C8orf34: variants seen among roughly 807,000 people sequenced by gnomAD.
C8orf34 encodes the protein chromosome 8 open reading frame 34, also known as uncharacterized protein C8orf34.
A neutral mutation model predicts 68.3 loss-of-function variants in C8orf34; 65 were observed. The ratio of observed to expected loss-of-function variants is 0.95; its 90% CI spans 0.78 to 1.17. The LOEUF (loss-of-function observed/expected upper bound fraction) is 1.17, where lower values mean the gene tolerates loss of function less well. Ranked by LOEUF, C8orf34 falls within the 50% of genes most tolerant of loss-of-function variation. The pLI, the probability that C8orf34 is intolerant of heterozygous loss-of-function variation, is 0.00. For synonymous variants in C8orf34, 244 were observed against 241.2 expected (o/e 1.01, Z -0.11); for missense variants, 664 against 655.4 (o/e 1.01, Z -0.14).
chr8:68,615,856 G>C (rs534460096), intron 7 of C8orf34, among the ~76,000 whole-genome samples: 1,720 of 151,758 alleles, frequency 0.011, 27 homozygotes, highest in African/African-American at 0.038. Flanking sequence ...AATAGTTTCA[G>C]AAGGAATGGT....
At chr8:68,756,734 G>A (rs1230149117) in intron 10 of C8orf34, among the ~76,000 whole-genome samples, 1 of 152,054 alleles carries the variant, frequency 6.6e-6, no homozygotes, top group African/African-American at 2.4e-5. Context: ...ACTGGTAAGG[G>A]AGTAAATCTG....
chr8:68,406,062 G>A (rs1435445643), intron 1 of C8orf34, among the ~76,000 whole-genome samples: 3 of 152,186 alleles, frequency 2.0e-5, no homozygotes, highest in African/African-American at 7.2e-5. Context: ...GGAGAGTTGA[G>A]TGTCAGGAGG....
intron 1 of C8orf34, among the ~76,000 whole-genome samples, chr8:68,419,858 T>G (rs1809870960): frequency 1.4e-5 from 2 of 143,464 alleles, no homozygotes; most frequent in Non-Finnish European, 1.5e-5. Context: ...GGGATGGCAT[T>G]GGGAGATATA....
At chr8:68,395,139 T>A (rs1414222389) in intron 1 of C8orf34, among the ~76,000 whole-genome samples, 2 of 152,020 alleles carry the variant, frequency 1.3e-5, no homozygotes, top group East Asian at 1.9e-4. Context: ...GTATTTTTTT[T>A]AAACAACTAT....
At position 68,533,120 on chromosome 8, in the gene C8orf34, A is replaced by C. The variant is rs767672971; in HGVS notation, c.1076A>C (p.Asp359Ala). 2 of 1,599,656 alleles carry C rather than the reference A, an allele frequency of 1.3e-6. No homozygotes were observed. Among genetic ancestry groups the C allele is most frequent in the Admixed American group, 1.8e-5 (1 of 56,932 alleles). The change falls in exon 7 of 14, where the codon GAT (aspartate) becomes GCT (alanine). Residue 359 changes from aspartate to alanine, a missense_variant. Physicochemically the swap from Asp to Ala is moderately radical, Grantham distance 126. Transcript: ENST00000518698. Reference sequence around the variant, plus strand: ...CCATCTGTAACAGAAGAAGATATTGATAATGAAGATGATGCAATGGAATTG... The same window carrying C: ...CCATCTGTAACAGAAGAAGATATTGCTAATGAAGATGATGCAATGGAATTG... ...PTPSVTEEDI[D>A]NEDDAMELLE...
intron 5 of C8orf34, among the ~76,000 whole-genome samples, chr8:68,492,182 T>C (rs571701638): frequency 6.6e-6 from 1 of 152,202 alleles, no homozygotes; most frequent in Non-Finnish European, 1.5e-5. Context: ...GACTCTCTAG[T>C]ATCTACCAAA....
intron 4 of C8orf34, among the ~76,000 whole-genome samples, chr8:68,482,344 A>G (rs1341366999): frequency 6.6e-6 from 1 of 152,216 alleles, no homozygotes. Context: ...AAACAAACTA[A>G]TACACCAGTT....
intron 3 of C8orf34, among the ~76,000 whole-genome samples, chr8:68,463,542 A>G (rs1005481426): frequency 1.3e-5 from 2 of 152,228 alleles, no homozygotes; most frequent in Non-Finnish European, 2.9e-5. Context: ...AAAATCCTCA[A>G]TAAAATACTG....
chr8:68,409,748 T>C (rs1386415205), intron 1 of C8orf34, among the ~76,000 whole-genome samples: 2 of 152,180 alleles, frequency 1.3e-5, no homozygotes, highest in Non-Finnish European at 2.9e-5. Flanking sequence ...CACTCGCCAC[T>C]CACTCACTGA....
intron 1 of C8orf34, among the ~76,000 whole-genome samples, chr8:68,433,310 C>G (rs1198959173): frequency 6.6e-6 from 1 of 152,108 alleles, no homozygotes; most frequent in Admixed American, 6.6e-5. Context: ...ATGCCATATG[C>G]TATTAATATT....
intron 7 of C8orf34, among the ~76,000 whole-genome samples, chr8:68,540,238 T>C (rs1335955041): frequency 1.3e-5 from 2 of 151,594 alleles, no homozygotes; most frequent in Admixed American, 6.6e-5. Flanking sequence ...CTAGTGATTT[T>C]ATTTTACTTT....
At chr8:68,696,545 G>T (rs1056450967) in intron 8 of C8orf34, among the ~76,000 whole-genome samples, 3 of 151,600 alleles carry the variant, frequency 2.0e-5, no homozygotes, top group African/African-American at 7.3e-5. Context: ...TGATTCAGAA[G>T]AGATACAAAA....
Position 68,468,815 on chromosome 8 carries a change from C to T in C8orf34, c.731C>T (p.Ser244Phe). Residue 244 changes from serine (S) to phenylalanine (F), a missense_variant, in exon 4 of 14, where the codon TCT becomes TTT. Coordinates refer to ENST00000518698, the MANE Select transcript of C8orf34 (RefSeq NM_052958.4). The part of the protein sequence containing the change: ...KKLGKALENL[S>F]RSIAISDELD... ...CTGGGGAAAGCCCTTGAGAATCTCT[C>T]TCGAAGTAAGTTCATTTACTTGATT... The T allele has an allele frequency of 6.2e-7, 1 of 1,608,900 alleles. No individual in the cohort carries two copies. Among genetic ancestry groups the T allele is most frequent in the East Asian group, 2.2e-5 (1 of 44,776 alleles).
chr8:68,501,345 A>G (rs1369152519), intron 5 of C8orf34, among the ~76,000 whole-genome samples: 1 of 152,180 alleles, frequency 6.6e-6, no homozygotes, highest in African/African-American at 2.4e-5. Flanking sequence ...TGAGAGGTTC[A>G]ACTCTGCACT....
intron 8 of C8orf34, among the ~76,000 whole-genome samples, chr8:68,700,550 T>G (rs1820983840): frequency 6.6e-6 from 1 of 152,108 alleles, no homozygotes. Context: ...AGACAGCATT[T>G]GAATTAGACA....
intron 1 of C8orf34, among the ~76,000 whole-genome samples, chr8:68,350,398 G>A (rs1394425612): frequency 6.6e-6 from 1 of 151,884 alleles, no homozygotes; most frequent in Non-Finnish European, 1.5e-5. Flanking sequence ...CGAGAAAAAT[G>A]TATATTCTGT....
intron 5 of C8orf34, among the ~76,000 whole-genome samples, chr8:68,506,342 G>C (rs1011507753): frequency 6.6e-6 from 1 of 152,078 alleles, no homozygotes. Context: ...AATGAAAATT[G>C]CTTCTCATAG....
At chr8:68,491,226 G>T (rs1000615961) in intron 5 of C8orf34, among the ~76,000 whole-genome samples, 2 of 151,040 alleles carry the variant, frequency 1.3e-5, no homozygotes, top group Admixed American at 6.6e-5. Context: ...TGAAACAGAG[G>T]TTATTATTTT....
At chr8:68,377,614 G>T (rs1473806524) in intron 1 of C8orf34, among the ~76,000 whole-genome samples, 2 of 151,224 alleles carry the variant, frequency 1.3e-5, no homozygotes, top group East Asian at 3.9e-4. Context: ...TATTAAATGT[G>T]AATCATTAGG....
Sources: gnomAD v4.1 joint callset for allele counts (sites outside exome capture counted in the v4.1 genomes callset) on GRCh38, gnomAD v4.1.1 for gene constraint, MANE v1.5 for transcripts, NCBI Gene and HGNC (gene_info 2026-07-23, HGNC 2026-07-21) for gene names.